The following RALYL variants were observed in gnomAD, a reference collection of about 807,000 sequenced individuals.
RALYL encodes the protein RALY RNA binding protein like.
In RALYL, 29 loss-of-function variants were observed where a neutral mutation model predicts 35.1. The observed-to-expected ratio is 0.83, with a 90% CI of 0.61 to 1.13. The LOEUF is 1.13. RALYL is among the 50% of genes most tolerant of loss of function. The pLI, the probability that RALYL is intolerant of heterozygous loss-of-function variation, is 0.00. For synonymous variants in RALYL, 120 were observed against 127.6 expected (o/e 0.94, Z 0.40); for missense variants, 359 against 360.4 (o/e 1.00, Z 0.03).
chr8:84,612,007 A>T (rs1818411594), intron 2 of RALYL, among the ~76,000 whole-genome samples: 1 of 151,678 alleles, frequency 6.6e-6, no homozygotes, highest in East Asian at 1.9e-4. Flanking sequence ...TTTTTTTGTT[A>T]ATTTTTGTAT....
intron 1 of RALYL, among the ~76,000 whole-genome samples, chr8:84,275,808 A>T (rs1317700970): frequency 6.6e-6 from 1 of 152,168 alleles, no homozygotes; most frequent in Non-Finnish European, 1.5e-5. Context: ...TGAAATAGCC[A>T]ATCTAGTCAG....
intron 1 of RALYL, among the ~76,000 whole-genome samples, chr8:84,233,910 A>G (rs1391459071): frequency 2.0e-5 from 3 of 152,006 alleles, no homozygotes; most frequent in South Asian, 2.1e-4. Flanking sequence ...TTCTTTCCTT[A>G]CTTCAGATGA....
intron 2 of RALYL, among the ~76,000 whole-genome samples, chr8:84,582,056 A>G (rs1385671881): frequency 1.3e-5 from 2 of 152,126 alleles, no homozygotes; most frequent in Non-Finnish European, 2.9e-5. Flanking sequence ...ATTTATAATT[A>G]ATTAAACAAA....
At chr8:84,737,347 G>T (rs1408274295) in intron 2 of RALYL, among the ~76,000 whole-genome samples, 2 of 151,912 alleles carry the variant, frequency 1.3e-5, no homozygotes, top group Non-Finnish European at 2.9e-5. Flanking sequence ...TGACCTTTAT[G>T]CAACATTGCT....
chr8:84,423,432 C>G (rs969089369), intron 1 of RALYL, among the ~76,000 whole-genome samples: 19 of 151,534 alleles, frequency 1.3e-4, no homozygotes, highest in Non-Finnish European at 1.5e-5. Context: ...TTATTTTGAG[C>G]CTATGTGTGT....
intron 1 of RALYL, among the ~76,000 whole-genome samples, chr8:84,422,485 C>T (rs2045768185): frequency 2.1e-5 from 2 of 93,134 alleles, no homozygotes; most frequent in African/African-American, 4.7e-5. Flanking sequence ...TTTGTTGATC[C>T]TTTCAAAAAA....
At chr8:84,502,399 G>T (rs189726521) in intron 1 of RALYL, among the ~76,000 whole-genome samples, 69 of 152,004 alleles carry the variant, frequency 4.5e-4, no homozygotes, top group South Asian at 1.0e-3. Flanking sequence ...AGCATCCCTT[G>T]ACCAAGTTCT....
At chr8:84,840,138 G>A (rs1371454042) in intron 4 of RALYL, among the ~76,000 whole-genome samples, 2 of 152,130 alleles carry the variant, frequency 1.3e-5, no homozygotes, top group Non-Finnish European at 2.9e-5. Flanking sequence ...GACGAGTTGA[G>A]AGAATAAGGC....
intron 4 of RALYL, among the ~76,000 whole-genome samples, chr8:84,825,807 G>A: frequency 6.6e-6 from 1 of 152,148 alleles, no homozygotes; most frequent in East Asian, 1.9e-4. Flanking sequence ...AGCAGAGGTT[G>A]CAGTGAGTCA....
At chr8:84,912,575 A>T (rs577558429) in intron 8 of RALYL, among the ~76,000 whole-genome samples, 2 of 152,150 alleles carry the variant, frequency 1.3e-5, no homozygotes, top group Non-Finnish European at 2.9e-5. Context: ...GCAGAAGAGG[A>T]TCTCCAAAAC....
chr8:84,690,936 A>C (rs1289425014), intron 2 of RALYL, among the ~76,000 whole-genome samples: 1 of 152,096 alleles, frequency 6.6e-6, no homozygotes. Context: ...TAGAAATGTA[A>C]CTATATAGGT....
intron 1 of RALYL, among the ~76,000 whole-genome samples, chr8:84,449,080 T>TG (rs1160600736): frequency 2.2e-5 from 3 of 133,538 alleles, no homozygotes; most frequent in Non-Finnish European, 3.3e-5. Context: ...GTTTTTTTGT[T>TG]TTTTTTTTTT....
chr8:84,495,146 T>A (rs1162345558), intron 1 of RALYL, among the ~76,000 whole-genome samples: 1 of 152,140 alleles, frequency 6.6e-6, no homozygotes, highest in African/African-American at 2.4e-5. Context: ...CTGCATCTAT[T>A]GAGATAATCA....
intron 6 of RALYL, among the ~76,000 whole-genome samples, chr8:84,871,287 A>C (rs1464056585): frequency 1.3e-5 from 2 of 152,136 alleles, no homozygotes; most frequent in Non-Finnish European, 2.9e-5. Flanking sequence ...TGTAGTTTCA[A>C]TAAAGTGGAG....
At chr8:84,681,106 G>A (rs1255024972) in intron 2 of RALYL, among the ~76,000 whole-genome samples, 3 of 152,068 alleles carry the variant, frequency 2.0e-5, no homozygotes, top group Non-Finnish European at 2.9e-5. Flanking sequence ...ATTAAATAGG[G>A]AATCCTTTCC....
chr8:84,245,164 G>T (rs1170491476), intron 1 of RALYL, among the ~76,000 whole-genome samples: 1 of 152,082 alleles, frequency 6.6e-6, no homozygotes, highest in Admixed American at 6.6e-5. Context: ...CCTCTGACTG[G>T]TCAGTAAACA....
At chr8:84,227,286 CT>C (rs1218473670) in intron 1 of RALYL, among the ~76,000 whole-genome samples, 2 of 151,770 alleles carry the variant, frequency 1.3e-5, no homozygotes, top group Non-Finnish European at 1.5e-5. Flanking sequence ...TCTTGAACTC[CT>C]GACCTCATGA....
intron 1 of RALYL, among the ~76,000 whole-genome samples, chr8:84,307,212 G>A (rs1841983000): frequency 1.3e-5 from 2 of 152,100 alleles, no homozygotes; most frequent in South Asian, 4.1e-4. Context: ...TTTATATGGA[G>A]AGTAGACTTG....
intron 4 of RALYL, among the ~76,000 whole-genome samples, chr8:84,815,982 C>A (rs183313158): frequency 6.9e-4 from 100 of 144,296 alleles, no homozygotes; most frequent in Middle Eastern, 3.6e-3. Context: ...TGCAGTGAGC[C>A]GGGATCATGC....
Sources: gnomAD v4.1 joint callset for allele counts (sites outside exome capture counted in the v4.1 genomes callset) on GRCh38, gnomAD v4.1.1 for gene constraint, MANE v1.5 for transcripts, NCBI Gene and HGNC (gene_info 2026-07-23, HGNC 2026-07-21) for gene names.